The following NCOA2 variants were observed in gnomAD, a reference collection of about 807,000 sequenced individuals.
NCOA2 encodes class E basic helix-loop-helix protein 75.
NCOA2 carries 21 observed loss-of-function variants against 145.1 expected under a neutral mutation model. That is an observed-to-expected ratio of 0.14 (90% CI 0.10 to 0.21). The LOEUF (loss-of-function observed/expected upper bound fraction) is 0.21, where lower values mean the gene tolerates loss of function less well. NCOA2 is among the 10% of genes least tolerant of loss of function. The pLI, the probability that NCOA2 is intolerant of heterozygous loss-of-function variation, is 1.00. For synonymous variants in NCOA2, 619 were observed against 637.5 expected, an observed-to-expected ratio of 0.97 and a Z score of 0.44; for missense variants, 1,472 against 1,837.6, an observed-to-expected ratio of 0.80 and a Z score of 3.64.
chr8:70,194,408 G>T (rs1817037040), intron 4 of NCOA2, among the ~76,000 whole-genome samples: 2 of 152,088 alleles, frequency 1.3e-5, no homozygotes, highest in East Asian at 1.9e-4. Flanking sequence ...AGTCTGTTTT[G>T]CTCCCAACAT....
At chr8:70,441,192 C>T in the NCOA2 span, among the ~76,000 whole-genome samples, 1 of 142,734 alleles carries the variant, frequency 7.0e-6, no homozygotes, top group Non-Finnish European at 1.5e-5. Context: ...CTGCATTTAA[C>T]AGGGTCATGG....
At position 70,174,816 on chromosome 8, in the gene NCOA2, A is replaced by G. The variant is rs757459960; in HGVS notation, c.303T>C (p.Asp101=). ...AANIDEVQKS[D]VSSTGQGVID... ...TGACACCCTGCCCTGTAGAGGATAC[A>G]TCTGACTTCTGCACTTCATCTATGT... Residue 101 remains aspartate (D), a synonymous_variant, in exon 5 of 23, where the codon GAT becomes GAC. Transcript: ENST00000452400. The G allele has an allele frequency of 3.7e-6, 6 of 1,613,646 alleles. No homozygotes were observed. Among genetic ancestry groups the G allele is most frequent in the Admixed American group, 1.7e-5 (1 of 60,006 alleles).
At chr8:70,209,368 C>T (rs1818783659) in intron 4 of NCOA2, among the ~76,000 whole-genome samples, 1 of 152,176 alleles carries the variant, frequency 6.6e-6, no homozygotes, top group Admixed American at 6.5e-5. Flanking sequence ...GAAATGACAA[C>T]AAAGGATTTA....
At chr8:70,250,853 G>A (rs1292561559) in intron 2 of NCOA2, among the ~76,000 whole-genome samples, 1 of 152,100 alleles carries the variant, frequency 6.6e-6, no homozygotes, top group East Asian at 1.9e-4. Context: ...CATTAGCATT[G>A]TAATTCCATA....
intron 4 of NCOA2, among the ~76,000 whole-genome samples, chr8:70,201,861 A>G (rs189156936): frequency 2.6e-5 from 4 of 152,304 alleles, no homozygotes; most frequent in African/African-American, 9.6e-5. Context: ...TGTCAATGCC[A>G]TGGTGGTTTT....
intron 2 of NCOA2, among the ~76,000 whole-genome samples, chr8:70,217,682 T>G (rs1222641950): frequency 6.6e-6 from 1 of 152,006 alleles, no homozygotes; most frequent in East Asian, 1.9e-4. Flanking sequence ...AAAATAATAT[T>G]TAGGTAAGCA....
chr8:70,124,991 G>A (rs1366149593), intron 19 of NCOA2, 126 bp from the exon 20 acceptor site: 1 of 656,912 alleles, frequency 1.5e-6, no homozygotes, highest in Admixed American at 3.7e-5. Context: ...ATATGATTGT[G>A]TACTGATTAA....
At chr8:70,123,389 G>A (rs1360158076) in intron 21 of NCOA2, among the ~76,000 whole-genome samples, 8 of 152,288 alleles carry the variant, frequency 5.3e-5, no homozygotes, top group African/African-American at 1.7e-4. Context: ...ACGGTAGTAT[G>A]TGCCTATAAT....
At chr8:70,195,116 A>G (rs1817138513) in intron 4 of NCOA2, among the ~76,000 whole-genome samples, 1 of 152,222 alleles carries the variant, frequency 6.6e-6, no homozygotes, top group South Asian at 2.1e-4. Flanking sequence ...ATGAAAGAGC[A>G]GTGCCTGGCA....
chr8:70,313,136 T>C (rs928175169), intron 1 of NCOA2, among the ~76,000 whole-genome samples: 3 of 152,226 alleles, frequency 2.0e-5, no homozygotes, highest in Non-Finnish European at 2.9e-5. Context: ...ACTTGTAACA[T>C]GGAAGTAACT....
chr8:70,157,213 C>T lies in NCOA2; in HGVS notation c.1152G>A (p.Pro384=), dbSNP rs781084859. The change falls in exon 11 of 23, where the codon CCG becomes CCA. Residue 384 remains proline (P), a synonymous_variant. Coordinates refer to ENST00000452400, the MANE Select transcript of NCOA2 (RefSeq NM_006540.4). ...HREQNVCVMN[P]DLTGQTMGKP... is the part of the protein sequence containing the mutation. ...TCCCCATCGTTTGTCCAGTCAGATC[C>T]GGATTCATCACACACACATTCTGCT... 1.5e-5 allele frequency: 24 copies of T among 1,567,650 alleles called. No homozygotes were observed. The highest frequency in any genetic ancestry group is 1.2e-4 in the African/African-American group (9 of 73,658).
In NCOA2 at chr8:70,213,947, A is replaced by G. The variant is rs770547510; in HGVS notation, c.215T>C (p.Ile72Thr). The part of the protein sequence containing the change: ...NFNFKPDKCA[I>T]LKETVKQIRQ... ...AATTTGCTTCACAGTTTCTTTTAAG[A>G]TTGCACATTTGTCAGGTTTGAAGTT... Residue 72 changes from isoleucine (I) to threonine (T), a missense_variant, in exon 4 of 23, where the codon ATC (isoleucine) becomes ACC (threonine). Physicochemically the swap from Ile to Thr is moderately conservative, Grantham distance 89 (BLOSUM62 -1). Transcript: ENST00000452400. The G allele has an allele frequency of 6.2e-7, 1 of 1,610,420 alleles. No individual in the cohort carries two copies. Among genetic ancestry groups the G allele is most frequent in the Non-Finnish European group, 8.5e-7 (1 of 1,178,200 alleles).
intron 11 of NCOA2, among the ~76,000 whole-genome samples, chr8:70,149,089 T>C (rs892116558): frequency 6.0e-5 from 9 of 151,060 alleles, no homozygotes; most frequent in Admixed American, 3.3e-4. Context: ...CCTTTTTTTC[T>C]GCTTGGACTT....
At chr8:70,390,759 C>A (rs978578377) in intron 1 of NCOA2, among the ~76,000 whole-genome samples, 4 of 152,138 alleles carry the variant, frequency 2.6e-5, no homozygotes, top group African/African-American at 9.7e-5. Context: ...CAGAGCAAGA[C>A]CCTGTCTCTA....
At chr8:70,224,789 T>A (rs934574895) in intron 2 of NCOA2, among the ~76,000 whole-genome samples, 1 of 150,994 alleles carries the variant, frequency 6.6e-6, no homozygotes, top group Non-Finnish European at 1.5e-5. Flanking sequence ...ATATTACATA[T>A]ATATTAATTA....
chr8:70,352,776 G>A (rs745508196), intron 1 of NCOA2, among the ~76,000 whole-genome samples: 9 of 152,082 alleles, frequency 5.9e-5, no homozygotes, highest in African/African-American at 2.4e-5. Flanking sequence ...AACACTGGTC[G>A]TGATCCACTA....
chr8:70,218,354 AG>A (rs1563638647), intron 2 of NCOA2, among the ~76,000 whole-genome samples: 1 of 152,188 alleles, frequency 6.6e-6, no homozygotes, highest in Non-Finnish European at 1.5e-5. Flanking sequence ...CTTGCTGGTT[AG>A]AGCAATGCAA....
intron 1 of NCOA2, among the ~76,000 whole-genome samples, chr8:70,382,214 T>C (rs1311127457): frequency 6.6e-6 from 1 of 152,050 alleles, no homozygotes; most frequent in Non-Finnish European, 1.5e-5. Context: ...AGGAGAGTGC[T>C]GAGGGCCGAA....
chr8:70,254,199 C>T (rs1321119088), intron 2 of NCOA2, among the ~76,000 whole-genome samples: 1 of 152,138 alleles, frequency 6.6e-6, no homozygotes, highest in Admixed American at 6.5e-5. Flanking sequence ...AAGATACTAC[C>T]TCACACCCAT....
Sources: gnomAD v4.1 joint callset for allele counts (sites outside exome capture counted in the v4.1 genomes callset) on GRCh38, gnomAD v4.1.1 for gene constraint, MANE v1.5 for transcripts, NCBI Gene and HGNC (gene_info 2026-07-23, HGNC 2026-07-21) for gene names.